The following RBFOX1 variants were observed in gnomAD, a reference collection of about 807,000 sequenced individuals.
RBFOX1 encodes the protein RNA binding protein fox-1 homolog 1.
Under a neutral mutation model 57.7 loss-of-function variants are expected in RBFOX1, and 8 were observed. That is an observed-to-expected ratio of 0.14 (90% CI 0.08 to 0.25). The LOEUF is 0.25. Ranked by LOEUF, RBFOX1 falls within the 10% of genes least tolerant of loss-of-function variation. The pLI, the probability that RBFOX1 is intolerant of heterozygous loss-of-function variation, is 1.00. For synonymous variants in RBFOX1, 326 were observed against 222.4 expected (o/e 1.47, Z -4.15); for missense variants, 611 against 548.5 (o/e 1.11, Z -1.14).
chr16:5,482,810 C>G (rs558934173), intron 2 of RBFOX1, among the ~76,000 whole-genome samples: 1 of 152,222 alleles, frequency 6.6e-6, no homozygotes, highest in Non-Finnish European at 1.5e-5. Flanking sequence ...CCTGGGAGAG[C>G]AAAATATCAT....
At chr16:5,806,951 A>T (rs181979449) in intron 3 of RBFOX1, among the ~76,000 whole-genome samples, 1 of 152,224 alleles carries the variant, frequency 6.6e-6, no homozygotes, top group African/African-American at 2.4e-5. Context: ...CAGGATCTCC[A>T]GGAAGAGAAG....
At chr16:7,435,536 C>T (rs1430945040) in intron 4 of RBFOX1, among the ~76,000 whole-genome samples, 1 of 152,174 alleles carries the variant, frequency 6.6e-6, no homozygotes, top group Non-Finnish European at 1.5e-5. Context: ...GTTTGTTAGG[C>T]TTCACCTCCT....
At chr16:7,029,071 T>TAC (rs1568439307) in intron 3 of RBFOX1, among the ~76,000 whole-genome samples, 977 of 25,522 alleles carry the variant, frequency 0.038, 104 homozygotes, top group South Asian at 0.18. Flanking sequence ...TATATATATA[T>TAC]ATATATATAT....
At chr16:6,688,487 A>G (rs763711458) in intron 3 of RBFOX1, among the ~76,000 whole-genome samples, 5 of 152,036 alleles carry the variant, frequency 3.3e-5, no homozygotes, top group Non-Finnish European at 7.4e-5. Context: ...GGGGATTTTC[A>G]TTTTCTCCAT....
chr16:6,882,648 G>A lies in RBFOX1; in HGVS notation c.-15-169409G>A, dbSNP rs374235003. On this transcript the variant is annotated intron_variant, in intron 3 of 15. Coordinates refer to ENST00000550418, the MANE Select transcript of RBFOX1 (RefSeq NM_018723.4). ...TCATGTTTGCAGAGTCCTCAGTGCAGTGTCTAGCACTTGGCAGGTACCCAT... is the reference window on the plus strand; with the variant it reads ...TCATGTTTGCAGAGTCCTCAGTGCAATGTCTAGCACTTGGCAGGTACCCAT... Among the ~76,000 whole-genome samples, 8 of 152,210 alleles carry A rather than the reference G, an allele frequency of 5.3e-5. 1 individual carries two copies. The highest frequency in any genetic ancestry group is 2.1e-4 in the South Asian group (1 of 4,812).
chr16:6,900,039 G>C (rs1303459244), intron 3 of RBFOX1, among the ~76,000 whole-genome samples: 1 of 152,140 alleles, frequency 6.6e-6, no homozygotes, highest in Admixed American at 6.6e-5. Context: ...TCAACTTCTA[G>C]GGTTGTCGGG....
intron 4 of RBFOX1, among the ~76,000 whole-genome samples, chr16:7,305,319 CTG>C (rs2096152944): frequency 1.3e-5 from 2 of 152,056 alleles, no homozygotes; most frequent in South Asian, 4.2e-4. Context: ...GGGTTGCTTC[CTG>C]AGTTGGTTCC....
chr16:5,892,550 G>T (rs2058069922), intron 4 of RBFOX1, among the ~76,000 whole-genome samples: 1 of 152,186 alleles, frequency 6.6e-6, no homozygotes, highest in African/African-American at 2.4e-5. Flanking sequence ...ATAAAGCAAT[G>T]AGAGACGAGC....
intron 4 of RBFOX1, among the ~76,000 whole-genome samples, chr16:7,292,470 A>G (rs570590036): frequency 6.9e-6 from 1 of 144,056 alleles, no homozygotes; most frequent in Non-Finnish European, 1.5e-5. Flanking sequence ...TATATAATAT[A>G]TAATGTATTA....
chr16:6,994,108 T>C (rs550783582), intron 3 of RBFOX1, among the ~76,000 whole-genome samples: 2 of 152,134 alleles, frequency 1.3e-5, no homozygotes, highest in African/African-American at 4.8e-5. Context: ...TGAAATGATA[T>C]CTGCCCGTGA....
At chr16:6,381,200 A>T (rs1308877641) in intron 2 of RBFOX1, among the ~76,000 whole-genome samples, 1 of 152,180 alleles carries the variant, frequency 6.6e-6, no homozygotes, top group South Asian at 2.1e-4. Flanking sequence ...TTATAGATTT[A>T]AGATGTGTAA....
intron 5 of RBFOX1, among the ~76,000 whole-genome samples, chr16:7,537,829 C>T (rs920267847): frequency 6.6e-6 from 1 of 152,208 alleles, no homozygotes; most frequent in Non-Finnish European, 1.5e-5. Context: ...GAAAATTATG[C>T]ATTGGAAAAC....
At chr16:6,537,691 C>G (rs577975566) in intron 2 of RBFOX1, among the ~76,000 whole-genome samples, 1 of 152,078 alleles carries the variant, frequency 6.6e-6, no homozygotes, top group Non-Finnish European at 1.5e-5. Context: ...AAACCTCTTA[C>G]AAATATTAAT....
At chr16:5,560,798 T>C (rs913582317) in intron 2 of RBFOX1, among the ~76,000 whole-genome samples, 8 of 152,136 alleles carry the variant, frequency 5.3e-5, no homozygotes, top group African/African-American at 1.9e-4. Flanking sequence ...TAACATATAC[T>C]TTGCAGTCCT....
At chr16:5,831,659 T>C (rs1353175946) in intron 3 of RBFOX1, among the ~76,000 whole-genome samples, 2 of 151,870 alleles carry the variant, frequency 1.3e-5, no homozygotes, top group Admixed American at 6.6e-5. Context: ...CTGGCTAATT[T>C]TTGTATTTTG....
At chr16:6,758,772 C>T (rs2076180766) in intron 3 of RBFOX1, among the ~76,000 whole-genome samples, 1 of 152,096 alleles carries the variant, frequency 6.6e-6, no homozygotes, top group Admixed American at 6.6e-5. Context: ...TTAAAACTTG[C>T]ATCATGGGGT....
At chr16:6,022,024 G>C (rs967639339) in intron 1 of RBFOX1, among the ~76,000 whole-genome samples, 1 of 152,132 alleles carries the variant, frequency 6.6e-6, no homozygotes, top group Non-Finnish European at 1.5e-5. Flanking sequence ...TTTCTTTTAA[G>C]TAAGGAACAG....
intron 3 of RBFOX1, among the ~76,000 whole-genome samples, chr16:5,626,932 C>T (rs1031158779): frequency 6.6e-6 from 1 of 152,122 alleles, no homozygotes; most frequent in Non-Finnish European, 1.5e-5. Flanking sequence ...ATCTACATTT[C>T]TGTTGGGATT....
rs2096707986 is a variant in RBFOX1, at chr16:6,534,439, C to T, written c.-63-120164C>T. On this transcript the variant is annotated intron_variant, in intron 2 of 15. Coordinates refer to ENST00000550418, the MANE Select transcript of RBFOX1 (RefSeq NM_018723.4). ...TCTTTCACCCGCTAAGATGCCTCTT[C>T]AGTTTCTACCCAAAGACTTCATATA... Among the ~76,000 whole-genome samples, 3 of 152,122 alleles carry T rather than the reference C, an allele frequency of 2.0e-5. No individual in the cohort carries two copies. In the South Asian group the frequency reaches 6.2e-4, roughly 32 times the overall value.
Sources: allele counts gnomAD v4.1 joint callset (sites outside exome capture counted in the v4.1 genomes callset), GRCh38; gene constraint gnomAD v4.1.1; transcripts MANE v1.5; gene names NCBI Gene and HGNC (gene_info 2026-07-23, HGNC 2026-07-21).